Variants in FMN1 observed in about 807,000 individuals in gnomAD.
FMN1 encodes formin-1.
A neutral mutation model predicts 132.4 loss-of-function variants in FMN1; 110 were observed. The observed-to-expected ratio is 0.83, with a 90% CI of 0.71 to 0.97. FMN1 has a LOEUF of 0.97. Ranked by LOEUF, FMN1 falls within the 50% of genes least tolerant of loss-of-function variation. The pLI is 0.00. For synonymous variants in FMN1, 722 were observed against 651.7 expected (o/e 1.11, Z -1.64); for missense variants, 1,792 against 1,705.3 (o/e 1.05, Z -0.90).
intron 6 of FMN1, among the ~76,000 whole-genome samples, chr15:33,048,822 G>A (rs980960008): frequency 1.3e-5 from 2 of 151,958 alleles, no homozygotes; most frequent in African/African-American, 4.8e-5. Flanking sequence ...TTACTATTAT[G>A]AGAAGAGCAT....
chr15:33,139,244 G>A (rs889098641), intron 4 of FMN1, among the ~76,000 whole-genome samples: 4 of 152,140 alleles, frequency 2.6e-5, no homozygotes, highest in Admixed American at 6.5e-5. Flanking sequence ...TAAAGTTTAT[G>A]AAGCCACCAG....
intron 9 of FMN1, among the ~76,000 whole-genome samples, chr15:32,927,759 C>T (rs2060999272): frequency 6.6e-6 from 1 of 152,136 alleles, no homozygotes; most frequent in South Asian, 2.1e-4. Flanking sequence ...ACTCTCTTTC[C>T]TCTCATGTGG....
rs535811029 is a variant in FMN1 at position 32,887,737 on chromosome 15, G to C, written c.3835+435C>G. 5.9e-5 allele frequency among the ~76,000 whole-genome samples: 9 copies of C among 152,270 alleles called. No homozygotes were observed. In the East Asian group the frequency reaches 7.7e-4, roughly 13 times the overall value. Reference sequence around the variant, plus strand: ...TAATTAGACAGACTTGATTAGACTTGATTAGAGCTCAGTAAATCTGTCTAT... The same window carrying C: ...TAATTAGACAGACTTGATTAGACTTCATTAGAGCTCAGTAAATCTGTCTAT... On this transcript the variant is annotated intron_variant, in intron 16 of 20. Coordinates refer to ENST00000616417, the MANE Select transcript of FMN1 (RefSeq NM_001277313.2).
chr15:33,090,791 C>A (rs1401659466), intron 4 of FMN1, among the ~76,000 whole-genome samples: 1 of 152,154 alleles, frequency 6.6e-6, no homozygotes, highest in Non-Finnish European at 1.5e-5. Flanking sequence ...AGGGAGAAGG[C>A]ACTCTGCTTA....
chr15:32,863,412 C>A lies in FMN1; in HGVS notation c.3836-6305G>T, dbSNP rs1044208452. On this transcript the variant is annotated intron_variant, in intron 16 of 20. Transcript: ENST00000616417. ...TTGTGCCACTGCACTCCAGCCTGGG[C>A]GACAGAGCGAGACTCCATCTCAAAA... Among the ~76,000 whole-genome samples the A allele has an allele frequency of 2.0e-5, 3 of 151,970 alleles. No individual in the cohort carries two copies. The East Asian group carries it at 5.8e-4, about 29-fold the overall frequency.
intron 4 of FMN1, chr15:33,150,631 G>C: frequency 7.1e-6 from 7 of 985,412 alleles, no homozygotes; most frequent in Non-Finnish European, 8.4e-6. Flanking sequence ...GGGTTTCACT[G>C]GTTCCTGGGA....
At chr15:33,099,541 T>C (rs558287692) in intron 4 of FMN1, among the ~76,000 whole-genome samples, 1 of 152,158 alleles carries the variant, frequency 6.6e-6, no homozygotes, top group Non-Finnish European at 1.5e-5. Context: ...GAATGTATCA[T>C]GAAAGAGAAT....
intron 17 of FMN1, among the ~76,000 whole-genome samples, chr15:32,812,790 A>G (rs2057927350): frequency 6.6e-6 from 1 of 152,252 alleles, no homozygotes; most frequent in Non-Finnish European, 1.5e-5. Flanking sequence ...ATGAATTACA[A>G]AGTGCTGTTT....
intron 17 of FMN1, among the ~76,000 whole-genome samples, chr15:32,826,989 G>C (rs921184208): frequency 1.3e-5 from 2 of 152,244 alleles, no homozygotes; most frequent in South Asian, 2.1e-4. Context: ...AGGAGAATCA[G>C]AGGAGGGGAT....
At chr15:32,787,123 TAAGTA>T (rs2056906904) in intron 19 of FMN1, among the ~76,000 whole-genome samples, 1 of 152,118 alleles carries the variant, frequency 6.6e-6, no homozygotes, top group African/African-American at 2.4e-5. Context: ...GTCAATGAAA[TAAGTA>T]AAGTCACTCC....
rs2061231701 is a variant in FMN1 at position 32,935,138 on chromosome 15, G to A, written c.3139-8877C>T. Among the ~76,000 whole-genome samples the A allele has an allele frequency of 3.3e-5, 5 of 152,154 alleles. No individual in the cohort carries two copies. The South Asian group carries it at 1.0e-3, about 32-fold the overall frequency. On this transcript the variant is annotated intron_variant, in intron 9 of 20. Transcript: ENST00000616417. The stretch of plus-strand genomic sequence containing the variant: ...GGGTTTCACCATGTTGGGAAGGCTG[G>A]TCTCAAACTCCTGACCTTGTGAGTC...
chr15:32,985,540 CA>C (rs2033011026), intron 7 of FMN1, among the ~76,000 whole-genome samples: 1 of 152,016 alleles, frequency 6.6e-6, no homozygotes, highest in Non-Finnish European at 1.5e-5. Context: ...AAAAGAAAAC[CA>C]AGGAAGAAGG....
chr15:33,042,897 C>T (rs1470166114), intron 6 of FMN1, among the ~76,000 whole-genome samples: 1 of 152,056 alleles, frequency 6.6e-6, no homozygotes, highest in Admixed American at 6.5e-5. Flanking sequence ...GATTCCATAG[C>T]CCCAGCTCCC....
Position 32,969,476 on chromosome 15 carries a change from G to A in FMN1, c.2225C>T (p.Ala742Val), listed in dbSNP as rs1290259005. ...ATGAAATGCCCGAAGTTCAAACTGT[G>A]CCTATAGGAAAATTCAGAGGGAAAG... is the stretch of plus-strand genomic sequence containing the variant. ...EHKEEIENLQ[A>V]QFELRAFHIR... The change falls in exon 8 of 21, where the codon GCA becomes GTA. Residue 742 changes from alanine (A) to valine (V), a missense_variant and splice_region_variant. Ala to Val is a moderately conservative substitution (Grantham distance 64). This residue lies in a region of FMN1 where 1,150 missense variants were observed against 1,043.1 expected (regional missense o/e 1.10). Coordinates refer to ENST00000616417, the MANE Select transcript of FMN1 (RefSeq NM_001277313.2). 2 of 1,612,670 alleles carry A rather than the reference G, an allele frequency of 1.2e-6. No individual in the cohort carries two copies. The highest frequency in any genetic ancestry group is 1.3e-5 in the African/African-American group (1 of 74,948).
intron 9 of FMN1, among the ~76,000 whole-genome samples, chr15:32,930,932 T>G (rs1331970633): frequency 6.6e-6 from 1 of 152,214 alleles, no homozygotes; most frequent in African/African-American, 2.4e-5. Context: ...CTCCTAGCAC[T>G]ATCTGTTGGA....
intron 6 of FMN1, among the ~76,000 whole-genome samples, chr15:33,016,824 G>A (rs1335544844): frequency 2.0e-5 from 3 of 152,176 alleles, no homozygotes; most frequent in Non-Finnish European, 4.4e-5. Context: ...TGACGCAGGA[G>A]ATGTGAACCA....
chr15:33,018,855 G>C (rs150003987), intron 6 of FMN1, among the ~76,000 whole-genome samples: 1 of 152,148 alleles, frequency 6.6e-6, no homozygotes, highest in African/African-American at 2.4e-5. Context: ...CAGCTCTTAA[G>C]GCAGCACGTC....
intron 3 of FMN1, among the ~76,000 whole-genome samples, chr15:33,178,259 A>T (rs1229190367): frequency 2.0e-5 from 3 of 152,206 alleles, no homozygotes; most frequent in African/African-American, 7.2e-5. Context: ...TCACTCCAGC[A>T]CTTCCAAGGT....
intron 16 of FMN1, among the ~76,000 whole-genome samples, chr15:32,867,079 A>G (rs1003257448): frequency 6.6e-6 from 1 of 152,212 alleles, no homozygotes; most frequent in African/African-American, 2.4e-5. Flanking sequence ...GCTAGCCCAC[A>G]GTTTCACCTC....
Sources: gnomAD v4.1 joint callset for allele counts (sites outside exome capture counted in the v4.1 genomes callset) on GRCh38, gnomAD v4.1.1 for gene constraint, gnomAD v4.1.1 regional missense constraint, MANE v1.5 for transcripts, NCBI Gene and HGNC (gene_info 2026-07-23, HGNC 2026-07-21) for gene names.